Variants in SLC13A5 observed in about 807,000 individuals in gnomAD.
SLC13A5 encodes solute carrier family 13 member 5, also known as Na(+)/citrate cotransporter.
A neutral mutation model predicts 56.5 loss-of-function variants in SLC13A5; 25 were observed. That is an observed-to-expected ratio of 0.44 (90% CI 0.32 to 0.62). The LOEUF is 0.62. Among genes scored for constraint, SLC13A5 ranks in the 20% least tolerant of loss-of-function variants. SLC13A5 has a pLI of 0.04. For missense variants in SLC13A5, 649 were observed against 737.8 expected (o/e 0.88, Z 1.39); for synonymous variants, 307 against 301.5 (o/e 1.02, Z -0.19).
intron 6 of SLC13A5, 93 bp from the exon 7 acceptor site, chr17:6,696,034 CAA>C (rs1567618094): frequency 8.6e-7 from 1 of 1,169,552 alleles, no homozygotes. Context: ...CAGAATGTAG[CAA>C]AAAGACACAT....
intron 10 of SLC13A5, chr17:6,689,752 T>C (rs910194430): frequency 6.6e-6 from 1 of 152,176 alleles, no homozygotes. Context: ...GTTTGCTTTT[T>C]ATACATGCAG....
At position 6,690,908 on chromosome 17, in the gene SLC13A5, C is replaced by G. The variant is rs1315940953; in HGVS notation, c.1308G>C (p.Gln436His). The G allele has an allele frequency of 1.9e-6, 3 of 1,613,320 alleles. No homozygotes were observed. The highest frequency in any genetic ancestry group is 1.1e-5 in the South Asian group (1 of 91,028). Residue 436 changes from glutamine to histidine, a missense_variant, in exon 10 of 12, where the codon CAG becomes CAC. Transcript: ENST00000433363. ...ASGLSVWMGK[Q>H]MEPLHAVPPA... ...GGGGCACTGCGTGCAAGGGCTCCATCTGCTTCCCCATCCACACGGACAGCC... is the reference window on the plus strand; with the variant it reads ...GGGGCACTGCGTGCAAGGGCTCCATGTGCTTCCCCATCCACACGGACAGCC...
Position 6,686,060 on chromosome 17 carries a change from A to T in SLC13A5, c.*147T>A. 1.8e-6 allele frequency: 2 copies of T among 1,106,274 alleles called. No homozygotes were observed. Among genetic ancestry groups the T allele is most frequent in the Non-Finnish European group, 2.6e-6 (2 of 764,550 alleles). 68.5% of individuals were successfully genotyped at this position (1,106,274 alleles called of 1,614,324 possible). On this transcript the variant is annotated 3_prime_UTR_variant, in exon 12 of 12. Coordinates refer to ENST00000433363, the MANE Select transcript of SLC13A5 (RefSeq NM_177550.5). ...TCTCTGCATCTGGGCTTGGAGGAAG[A>T]GGTGGCCCATTGGCTGGGTTTTGGT... is the stretch of plus-strand genomic sequence containing the variant.
chr17:6,688,242 T>C (rs557557298), intron 10 of SLC13A5: 38 of 152,380 alleles, frequency 2.5e-4, no homozygotes, highest in African/African-American at 8.7e-4. Flanking sequence ...AAATCAATCA[T>C]GTATCATGCA....
chr17:6,690,085 A>AAAAAAAAAAAC (rs1973362692), intron 10 of SLC13A5: 1 of 140,342 alleles, frequency 7.1e-6, no homozygotes, highest in African/African-American at 2.6e-5. Flanking sequence ...AAAAAAAAAA[A>AAAAAAAAAAAC]AAAAAAAAAA....
At chr17:6,696,570 G>T (rs956302790) in intron 6 of SLC13A5, among the ~76,000 whole-genome samples, 1 of 152,054 alleles carries the variant, frequency 6.6e-6, no homozygotes, top group Admixed American at 6.5e-5. Flanking sequence ...ATTGTCCAGG[G>T]TGTCCTGCAG....
At position 6,711,162 on chromosome 17, in the gene SLC13A5, C is replaced by G. The variant is rs1176766769; in HGVS notation, c.102+2070G>C. Among the ~76,000 whole-genome samples the G allele has an allele frequency of 1.3e-5, 2 of 152,096 alleles. No individual in the cohort carries two copies. The highest frequency in any genetic ancestry group is 2.9e-5 in the Non-Finnish European group (2 of 68,008). On this transcript the variant is annotated intron_variant, in intron 1 of 11. Coordinates refer to ENST00000433363, the MANE Select transcript of SLC13A5 (RefSeq NM_177550.5). The surrounding 1 kb of genome is among the most constrained non-coding windows in gnomAD (Gnocchi z 4.0). ...GCTCAGGCTGCCAAGGTCCTCCCAG[C>G]TTCTCACCAGCTTCCCAGCTGCCCT... is the stretch of plus-strand genomic sequence containing the variant.
rs1214728763 is a variant in SLC13A5 at position 6,686,079 on chromosome 17, T to C, written c.*128A>G. The C allele has an allele frequency of 1.5e-6, 2 of 1,348,944 alleles. No individual in the cohort carries two copies. The highest frequency in any genetic ancestry group is 1.5e-5 in the African/African-American group (1 of 68,734). 83.6% of individuals were successfully genotyped at this position (1,348,944 alleles called of 1,614,324 possible). ...AGGAAGAGGTGGCCCATTGGCTGGGTTTTGGTGGTGTGTGGACATCGTTGG... is the reference window on the plus strand; with the variant it reads ...AGGAAGAGGTGGCCCATTGGCTGGGCTTTGGTGGTGTGTGGACATCGTTGG... On this transcript the variant is annotated 3_prime_UTR_variant, in exon 12 of 12. Transcript: ENST00000433363.
intron 6 of SLC13A5, among the ~76,000 whole-genome samples, chr17:6,696,142 C>A (rs952752040): frequency 1.6e-4 from 24 of 152,200 alleles, no homozygotes; most frequent in African/African-American, 5.5e-4. Context: ...AGGGAAAAGT[C>A]TCTGTAGAGA....
chr17:6,695,653 A>G (rs1299016108), intron 7 of SLC13A5, 73 bp downstream of exon 7: 5 of 1,505,408 alleles, frequency 3.3e-6, no homozygotes, highest in Non-Finnish European at 3.7e-6. Context: ...AGCCTCCCAA[A>G]GTGCTGGGAT....
chr17:6,698,926 C>T (rs1973630666), intron 6 of SLC13A5, among the ~76,000 whole-genome samples: 1 of 151,642 alleles, frequency 6.6e-6, no homozygotes, highest in African/African-American at 2.4e-5. Flanking sequence ...CCTGTAATTC[C>T]AGCTACTTGG....
chr17:6,689,640 TAGG>T (rs1360007887), intron 10 of SLC13A5: 6 of 152,172 alleles, frequency 3.9e-5, no homozygotes, highest in Non-Finnish European at 8.8e-5. Context: ...ACAGTCTGCT[TAGG>T]AGAAGAGGAG....
At chr17:6,693,946 G>A in intron 8 of SLC13A5, 151 bp downstream of exon 8, 1 of 425,628 alleles carries the variant, frequency 2.3e-6, no homozygotes, top group Non-Finnish European at 4.2e-6. Context: ...TACCACCGGT[G>A]GCTTGAAAGC....
rs1294101686 is a variant in SLC13A5 at position 6,685,441 on chromosome 17, C to T, written c.*766G>A. The stretch of plus-strand genomic sequence containing the variant: ...GCGTCTCGGCAAATGTTGACCCAGA[C>T]AACAGGGGACCAAGGAGTTGAAGGA... On this transcript the variant is annotated 3_prime_UTR_variant, in exon 12 of 12. Transcript: ENST00000433363. The surrounding 1 kb of genome is among the most constrained non-coding windows in gnomAD (Gnocchi z 4.2). 6.6e-6 allele frequency: 1 copy of T among 152,340 alleles called. No homozygotes were observed. Among genetic ancestry groups the T allele is most frequent in the African/African-American group, 2.4e-5 (1 of 41,458 alleles). 9.4% of individuals were successfully genotyped at this position (152,340 alleles called of 1,614,324 possible).
Position 6,685,306 on chromosome 17 carries a change from G to A in SLC13A5, c.*901C>T, listed in dbSNP as rs1973211532. On this transcript the variant is annotated 3_prime_UTR_variant, in exon 12 of 12. Transcript: ENST00000433363. The surrounding 1 kb of genome is among the most constrained non-coding windows in gnomAD (Gnocchi z 4.2). ...CTGTGGCCCCCAGAGCGCCATCACTGCCCATACTTGGAGTGTGATCCTAGC... is the reference window on the plus strand; with the variant it reads ...CTGTGGCCCCCAGAGCGCCATCACTACCCATACTTGGAGTGTGATCCTAGC... 6.6e-6 allele frequency: 1 copy of A among 152,252 alleles called. No individual in the cohort carries two copies. Among genetic ancestry groups the A allele is most frequent in the African/African-American group, 2.4e-5 (1 of 41,462 alleles). 9.4% of individuals were successfully genotyped at this position (152,252 alleles called of 1,614,324 possible).
chr17:6,712,541 G>A (rs572364693), intron 1 of SLC13A5, among the ~76,000 whole-genome samples: 4 of 152,348 alleles, frequency 2.6e-5, no homozygotes, highest in Admixed American at 1.3e-4. Context: ...CTCTGGGAAT[G>A]TGTCCCGCCT....
At chr17:6,712,203 C>T (rs571686853) in intron 1 of SLC13A5, among the ~76,000 whole-genome samples, 67 of 152,336 alleles carry the variant, frequency 4.4e-4, no homozygotes, top group African/African-American at 1.6e-3. Flanking sequence ...CACTCCCTTC[C>T]TCTAGAGCTC....
At chr17:6,690,119 A>T (rs1973366115) in intron 10 of SLC13A5, 1 of 144,710 alleles carries the variant, frequency 6.9e-6, no homozygotes, top group African/African-American at 2.6e-5. Flanking sequence ...TTTTCCTATA[A>T]GCTCTGCTTT....
In SLC13A5 at chr17:6,696,126, T is replaced by C. The variant is rs530863161; in HGVS notation, c.840-185A>G. On this transcript the variant is annotated intron_variant, in intron 6 of 11. Transcript: ENST00000433363. ...CCTCTCCTGTTCTTCCATCCCAGAA[T>C]GTACTAGGGAAAAGTCTCTGTAGAG... Among the ~76,000 whole-genome samples, 10 of 152,250 alleles carry C rather than the reference T, an allele frequency of 6.6e-5. No individual in the cohort carries two copies. The East Asian group carries it at 1.9e-3, about 29-fold the overall frequency.
Sources: gnomAD v4.1 joint callset for allele counts (sites outside exome capture counted in the v4.1 genomes callset) on GRCh38, gnomAD v4.1.1 for gene constraint, Gnocchi (gnomAD v3.1) non-coding constraint, MANE v1.5 for transcripts, NCBI Gene and HGNC (gene_info 2026-07-23, HGNC 2026-07-21) for gene names.